The following GNA15 variants were observed in gnomAD, a reference collection of about 807,000 sequenced individuals.
GNA15 encodes G protein subunit alpha 15.
In GNA15, 23 loss-of-function variants were observed where a neutral mutation model predicts 40.1. That is an observed-to-expected ratio of 0.57 (90% CI 0.41 to 0.81). The LOEUF is 0.81. Among genes scored for constraint, GNA15 ranks in the 40% least tolerant of loss-of-function variants. GNA15 has a pLI of 0.00. For synonymous variants in GNA15, 226 were observed against 210.4 expected, an observed-to-expected ratio of 1.07 and a Z score of -0.64; for missense variants, 522 against 515.8, an observed-to-expected ratio of 1.01 and a Z score of -0.12.
At chr19:3,159,780 T>TCAAGACAC (rs1915105719) in intron 6 of GNA15, among the ~76,000 whole-genome samples, 1 of 152,214 alleles carries the variant, frequency 6.6e-6, no homozygotes, top group South Asian at 2.1e-4. Context: ...TACATATGAA[T>TCAAGACAC]CAAGACACGT....
In GNA15 at chr19:3,150,117, TCCTC is replaced by T; in HGVS notation, c.331-7_331-4del. The T allele has an allele frequency of 6.2e-7, 1 of 1,609,472 alleles. No individual in the cohort carries two copies. Among genetic ancestry groups the T allele is most frequent in the South Asian group, 1.1e-5 (1 of 90,874 alleles). ...AGAAAGGCTACCCTAACTGCCCCCG[TCCTC>T]CCTCCCCAGCACCACGCTAGCCTGG... On this transcript the variant is annotated splice_polypyrimidine_tract_variant and intron_variant, in intron 2 of 6. Transcript: ENST00000262958.
chr19:3,160,118 A>G (rs2144864415), intron 6 of GNA15, among the ~76,000 whole-genome samples: 1 of 152,334 alleles, frequency 6.6e-6, no homozygotes, highest in Non-Finnish European at 1.5e-5. Flanking sequence ...AATTTGGGAA[A>G]GGTTGAGCTG....
At chr19:3,150,095 A>C (rs1568296631) in intron 2 of GNA15, 36 bp from the exon 3 acceptor site, 1 of 1,596,350 alleles carries the variant, frequency 6.3e-7, no homozygotes. Flanking sequence ...CCCACTCAGA[A>C]AGGCTACCCT....
Position 3,136,730 on chromosome 19 carries a change from G to C in GNA15, c.145+135G>C. ...GAGCCGTCGCCTCCTCCCAGGGAAT[G>C]GGGAGCCTGGAACCCATTTTCCAGA... On this transcript the variant is annotated intron_variant, in intron 1 of 6. Transcript: ENST00000262958. This position sits in a 1 kb window ranked among gnomAD's most constrained non-coding sequence, Gnocchi z 4.9. The C allele has an allele frequency of 1.3e-6, 1 of 794,334 alleles. No homozygotes were observed. Among genetic ancestry groups the C allele is most frequent in the Non-Finnish European group, 2.0e-6 (1 of 508,642 alleles). 49.2% of individuals were successfully genotyped at this position (794,334 alleles called of 1,614,324 possible).
chr19:3,160,677 A>C (rs902021748), intron 6 of GNA15, among the ~76,000 whole-genome samples: 5 of 152,202 alleles, frequency 3.3e-5, no homozygotes, highest in African/African-American at 1.2e-4. Flanking sequence ...TGGGTGGCTT[A>C]AAACAACAGG....
chr19:3,148,885 G>GGGCAGGGCA, intron 2 of GNA15, 110 bp downstream of exon 2: 1 of 1,149,408 alleles, frequency 8.7e-7, no homozygotes, highest in Non-Finnish European at 1.2e-6. Flanking sequence ...GGGCAGGGCA[G>GGGCAGGGCA]GGCAGGGCAG....
intron 4 of GNA15, among the ~76,000 whole-genome samples, chr19:3,152,791 C>G (rs530449284): frequency 6.6e-6 from 1 of 152,230 alleles, no homozygotes; most frequent in East Asian, 1.9e-4. Context: ...GCCTTCCTTT[C>G]CCTAAATCCC....
Position 3,151,690 on chromosome 19 carries a change from G to T in GNA15, c.486-17G>T. ...GGCTGGCTGCAAGGCTGGGCCTCAG[G>T]ACTCCTTGCTCTGCAGCTACCTGTC... On this transcript the variant is annotated splice_polypyrimidine_tract_variant and intron_variant, in intron 3 of 6. Transcript: ENST00000262958. This position sits in a 1 kb window ranked among gnomAD's most constrained non-coding sequence, Gnocchi z 5.0. 6.4e-7 allele frequency: 1 copy of T among 1,574,074 alleles called. No individual in the cohort carries two copies. Among genetic ancestry groups the T allele is most frequent in the Non-Finnish European group, 8.6e-7 (1 of 1,160,102 alleles).
At position 3,155,859 on chromosome 19, in the gene GNA15, G is replaced by A; in HGVS notation, c.651G>A (p.Lys217=). The A allele has an allele frequency of 6.2e-7, 1 of 1,614,032 alleles. No individual in the cohort carries two copies. The highest frequency in any genetic ancestry group is 8.5e-7 in the Non-Finnish European group (1 of 1,180,002). The change falls in exon 5 of 7, where the codon AAG becomes AAA. Residue 217 remains lysine, a synonymous_variant. Transcript: ENST00000262958. This position sits in a 1 kb window ranked among gnomAD's most constrained non-coding sequence, Gnocchi z 5.6. ...TCGGGGGCCAGAAGTCAGAGCGTAAGAAATGGATCCATTGTTTCGAGAACG... is the reference window on the plus strand; with the variant it reads ...TCGGGGGCCAGAAGTCAGAGCGTAAAAAATGGATCCATTGTTTCGAGAACG... ...VDVGGQKSER[K]KWIHCFENVI... is the part of the protein sequence containing the mutation.
In GNA15 at chr19:3,150,097, G is replaced by C. The variant is rs73921250; in HGVS notation, c.331-34G>C. 4,277 of 1,601,082 alleles carry C rather than the reference G, an allele frequency of 2.7e-3. 108 individuals are homozygous for C. In the African/African-American group the frequency reaches 0.051, roughly 19 times the overall value. ...TGCGGAGGGCAGCCCCACTCAGAAAGGCTACCCTAACTGCCCCCGTCCTCC... is the reference window on the plus strand; with the variant it reads ...TGCGGAGGGCAGCCCCACTCAGAAACGCTACCCTAACTGCCCCCGTCCTCC... On this transcript the variant is annotated intron_variant, in intron 2 of 6. Coordinates refer to ENST00000262958, the MANE Select transcript of GNA15 (RefSeq NM_002068.4).
At chr19:3,147,426 G>A (rs561369580) in intron 1 of GNA15, among the ~76,000 whole-genome samples, 214 of 151,906 alleles carry the variant, frequency 1.4e-3, no homozygotes, top group African/African-American at 4.9e-3. Context: ...GGTGGCACGC[G>A]CCTGTTACCC....
rs547183876 is a variant in GNA15, at chr19:3,163,218, G to T, written c.*199G>T. ...CGCCCCCCAGGGTACTCCTGCCCTT[G>T]CTTGACTCAGTTTCCCTCCTTTGAA... On this transcript the variant is annotated 3_prime_UTR_variant, in exon 7 of 7. Transcript: ENST00000262958. The T allele has an allele frequency of 3.4e-5, 20 of 586,910 alleles. 1 individual carries two copies. The South Asian group carries it at 4.1e-4, about 12-fold the overall frequency. The allele number at this position is 586,910 out of a possible 1,614,324, so 36.4% of individuals were successfully genotyped here. A position where few individuals can be genotyped will look rare whatever the true frequency, so the allele number is the denominator to read the frequency against.
chr19:3,161,901 C>T (rs187995980), intron 6 of GNA15, among the ~76,000 whole-genome samples: 6 of 151,340 alleles, frequency 4.0e-5, no homozygotes, highest in South Asian at 2.1e-4. Context: ...GGTGTGGTGG[C>T]GGGGGCCTGT....
In GNA15 at chr19:3,155,922, C is replaced by T. The variant is rs146483408; in HGVS notation, c.714C>T (p.Tyr238=). 7.4e-6 allele frequency: 12 copies of T among 1,613,678 alleles called. No individual in the cohort carries two copies. In the African/African-American group the frequency reaches 1.2e-4, roughly 16 times the overall value. Residue 238 remains tyrosine, a synonymous_variant, in exon 5 of 7, where the codon TAC becomes TAT. Transcript: ENST00000262958. This position sits in a 1 kb window ranked among gnomAD's most constrained non-coding sequence, Gnocchi z 5.6. ...ALIYLASLSE[Y]DQCLEENNQE... ...TCTACCTGGCCTCACTGAGTGAATACGACCAGTGCCTGGAGGAGAACAACC... is the reference window on the plus strand; with the variant it reads ...TCTACCTGGCCTCACTGAGTGAATATGACCAGTGCCTGGAGGAGAACAACC...
rs543401583 is a variant in GNA15, at chr19:3,163,628, A to T, written c.*609A>T. On this transcript the variant is annotated 3_prime_UTR_variant, in exon 7 of 7. Coordinates refer to ENST00000262958, the MANE Select transcript of GNA15 (RefSeq NM_002068.4). ...GCGGACGAGAGAAATCGCGGCCCAC[A>T]AGCATCCCCCCATCCCTTGCAGGCT... 6.5e-6 allele frequency: 1 copy of T among 153,206 alleles called. No homozygotes were observed. The highest frequency in any genetic ancestry group is 2.4e-5 in the African/African-American group (1 of 41,544). 9.5% of individuals were successfully genotyped at this position (153,206 alleles called of 1,614,324 possible). A position where few individuals can be genotyped will look rare whatever the true frequency, so the allele number is the denominator to read the frequency against.
chr19:3,140,247 A>G (rs1914550898), intron 1 of GNA15, among the ~76,000 whole-genome samples: 1 of 152,100 alleles, frequency 6.6e-6, no homozygotes. Context: ...TGCCTGTGTT[A>G]TCAAATTTAT....
chr19:3,147,528 G>A (rs527424725), intron 1 of GNA15, among the ~76,000 whole-genome samples: 74 of 148,504 alleles, frequency 5.0e-4, no homozygotes, highest in African/African-American at 1.7e-3. Flanking sequence ...ACTCCAGCCT[G>A]GGCAACAGAG....
At chr19:3,154,019 G>C (rs1358640643) in intron 4 of GNA15, among the ~76,000 whole-genome samples, 7 of 151,944 alleles carry the variant, frequency 4.6e-5, no homozygotes, top group Non-Finnish European at 7.4e-5. Context: ...TGAAGCGATG[G>C]ATGGATGGGT....
intron 4 of GNA15, among the ~76,000 whole-genome samples, chr19:3,153,219 A>G (rs1914921414): frequency 6.6e-6 from 1 of 150,996 alleles, no homozygotes; most frequent in South Asian, 2.1e-4. Context: ...GTACCCAAGG[A>G]TGACTTCTAT....
Sources: gnomAD v4.1 joint callset for allele counts (sites outside exome capture counted in the v4.1 genomes callset) on GRCh38, gnomAD v4.1.1 for gene constraint, Gnocchi (gnomAD v3.1) non-coding constraint, MANE v1.5 for transcripts, NCBI Gene and HGNC (gene_info 2026-07-23, HGNC 2026-07-21) for gene names.